The following ERCC6L2 variants were observed in gnomAD, a reference collection of about 807,000 sequenced individuals.
The protein encoded by ERCC6L2 is ERCC excision repair 6 like 2.
In ERCC6L2, 77 loss-of-function variants were observed where a neutral mutation model predicts 132.0. The observed-to-expected ratio is 0.58, with a 90% CI of 0.49 to 0.71. The LOEUF is 0.71. Ranked by LOEUF, ERCC6L2 falls within the 30% of genes least tolerant of loss-of-function variation. The probability of loss-of-function intolerance (pLI) is 0.00; values close to 1 mark genes in which losing one functional copy is unlikely to be tolerated. For synonymous variants in ERCC6L2, 583 were observed against 632.4 expected (o/e 0.92, Z 1.17); for missense variants, 1,542 against 1,837.6 (o/e 0.84, Z 2.94).
At chr9:95,974,345 A>G (rs1832568067) in intron 16 of ERCC6L2, among the ~76,000 whole-genome samples, 1 of 152,184 alleles carries the variant, frequency 6.6e-6, no homozygotes, top group Admixed American at 6.5e-5. Flanking sequence ...TATATGCCAT[A>G]AGGATGACCC....
chr9:96,026,433 C>T (rs1834364459), intron 19 of ERCC6L2, among the ~76,000 whole-genome samples: 1 of 152,022 alleles, frequency 6.6e-6, no homozygotes, highest in South Asian at 2.1e-4. Context: ...CGCAGTGGGG[C>T]GGGGGTGGGG....
chr9:95,956,778 A>G (rs1831624844), intron 13 of ERCC6L2, among the ~76,000 whole-genome samples: 1 of 152,156 alleles, frequency 6.6e-6, no homozygotes, highest in Middle Eastern at 3.2e-3. Context: ...TACCCACTGG[A>G]TCCCTGCCAC....
At chr9:95,876,108 T>TA (rs759779322) in intron 1 of ERCC6L2, 24 bp downstream of exon 1, 7 of 1,555,044 alleles carry the variant, frequency 4.5e-6, no homozygotes, top group Non-Finnish European at 6.1e-6. Context: ...GCTCGCCCCT[T>TA]ACGCAGAGGC....
In ERCC6L2 at chr9:95,989,441, G is replaced by A. The variant is rs557410226; in HGVS notation, c.3492+11226G>A. Among the ~76,000 whole-genome samples, 19 of 152,308 alleles carry A rather than the reference G, an allele frequency of 1.2e-4. No individual in the cohort carries two copies. In the East Asian group the frequency reaches 2.1e-3, roughly 17 times the overall value. On this transcript the variant is annotated intron_variant, in intron 17 of 18. Transcript: ENST00000653738. The stretch of plus-strand genomic sequence containing the variant: ...TTTAGGGGTTGTATGCCAGGAAGCT[G>A]GGACAAAGACCAAATATCTATTTCA...
chr9:95,877,339 C>CT (rs368120641), intron 1 of ERCC6L2, among the ~76,000 whole-genome samples: 19,701 of 144,128 alleles, frequency 0.14, 1,336 homozygotes, highest in South Asian at 0.24. Flanking sequence ...TCCCTTAAGG[C>CT]TTTTTTTTTT....
In ERCC6L2 at chr9:95,929,353, G is replaced by C. The variant is rs556498726; in HGVS notation, c.1751+489G>C. ...AAGGTAAATTGGTTCTAACCCCTAT[G>C]TATGAATATCCCTTTAAGACCTTTT... On this transcript the variant is annotated intron_variant, in intron 11 of 18. Coordinates refer to ENST00000653738, the MANE Select transcript of ERCC6L2 (RefSeq NM_020207.7). Among the ~76,000 whole-genome samples the C allele has an allele frequency of 2.0e-5, 3 of 152,276 alleles. No individual in the cohort carries two copies. In the East Asian group the frequency reaches 5.8e-4, roughly 29 times the overall value.
chr9:96,010,894 T>A (rs768582880), intron 18 of ERCC6L2, among the ~76,000 whole-genome samples: 10 of 152,388 alleles, frequency 6.6e-5, no homozygotes, highest in Non-Finnish European at 1.3e-4. Context: ...TATAAATATT[T>A]GTTAAGTGAA....
chr9:95,947,084 T>C (rs932581148), intron 12 of ERCC6L2, among the ~76,000 whole-genome samples: 2 of 152,228 alleles, frequency 1.3e-5, no homozygotes, highest in African/African-American at 4.8e-5. Context: ...TCTCTCACTT[T>C]ACATCGAAAG....
intron 4 of ERCC6L2, among the ~76,000 whole-genome samples, chr9:95,908,871 G>A (rs1008943590): frequency 6.6e-6 from 1 of 152,078 alleles, no homozygotes; most frequent in African/African-American, 2.4e-5. Flanking sequence ...TTTTTTTAAG[G>A]TGATACTTTC....
At chr9:95,919,975 T>C (rs1026944153) in intron 6 of ERCC6L2, among the ~76,000 whole-genome samples, 3 of 152,196 alleles carry the variant, frequency 2.0e-5, no homozygotes, top group African/African-American at 7.2e-5. Context: ...GAAAACAAAT[T>C]GACATTAAAT....
At chr9:95,911,605 ATAAT>A (rs995521450) in intron 4 of ERCC6L2, among the ~76,000 whole-genome samples, 2 of 152,156 alleles carry the variant, frequency 1.3e-5, no homozygotes, top group African/African-American at 2.4e-5. Flanking sequence ...AATATTTAAA[ATAAT>A]TAATATTTTA....
At chr9:95,991,062 GT>G (rs1241364404) in intron 17 of ERCC6L2, among the ~76,000 whole-genome samples, 8 of 151,990 alleles carry the variant, frequency 5.3e-5, no homozygotes, top group African/African-American at 1.9e-4. Flanking sequence ...CCGATGCTCA[GT>G]TGCTTCTCTG....
rs767745101 is a variant in ERCC6L2 at position 96,015,015 on chromosome 9, G to GTTTTTTTTTTTTTTTTTTTTTTTTTT, written c.*1837_*1838insTTTTTTTTTTTTTTTTTTTTTTTTTT. Among the ~76,000 whole-genome samples the GTTTTTTTTTTTTTTTTTTTTTTTTTT allele has an allele frequency of 1.5e-5, 1 of 65,426 alleles. No individual in the cohort carries two copies. Among genetic ancestry groups the GTTTTTTTTTTTTTTTTTTTTTTTTTT allele is most frequent in the Non-Finnish European group, 2.6e-5 (1 of 37,998 alleles). 42.9% of individuals were successfully genotyped at this position (65,426 alleles called of 152,430 possible). A position where few individuals can be genotyped will look rare whatever the true frequency, so the allele number is the denominator to read the frequency against. Reference sequence around the variant, plus strand: ...GCTCTATAGTCTTCATATATGTACAGTTTTTTTTTTTTTTTTTTTTTTTTT... The same window carrying GTTTTTTTTTTTTTTTTTTTTTTTTTT: ...GCTCTATAGTCTTCATATATGTACAGTTTTTTTTTTTTTTTTTTTTTTTTTTTTTTTTTTTTTTTTTTTTTTTTTTT... On this transcript the variant is annotated 3_prime_UTR_variant, in exon 19 of 19. Coordinates refer to ENST00000653738, the MANE Select transcript of ERCC6L2 (RefSeq NM_020207.7).
intron 2 of ERCC6L2, among the ~76,000 whole-genome samples, chr9:95,884,661 T>C (rs1289289520): frequency 6.6e-6 from 1 of 152,168 alleles, no homozygotes; most frequent in African/African-American, 2.4e-5. Context: ...TTTTACACTC[T>C]ACAGGGGATG....
intron 13 of ERCC6L2, among the ~76,000 whole-genome samples, chr9:95,957,034 G>C (rs1047398373): frequency 5.3e-5 from 8 of 152,140 alleles, no homozygotes; most frequent in Admixed American, 4.6e-4. Flanking sequence ...TATAGGAATA[G>C]AGCTTAAGTG....
intron 12 of ERCC6L2, among the ~76,000 whole-genome samples, chr9:95,951,672 G>GTA (rs1244824856): frequency 6.6e-6 from 1 of 152,144 alleles, no homozygotes; most frequent in East Asian, 1.9e-4. Context: ...GTGAACATTT[G>GTA]TATACCAACA....
Position 95,972,172 on chromosome 9 carries a change from G to A in ERCC6L2, c.2421G>A (p.Glu807=). ...TTGAAACAAAATGTAAAGCAGTTGA[G>A]GATAGTGATGGAAATACTGCCTCTG... ...KLLETKCKAV[E]DSDGNTASDD... Residue 807 remains glutamate (E), a synonymous_variant, in exon 16 of 19, where the codon GAG becomes GAA. Transcript: ENST00000653738. 1 of 1,304,240 alleles carries A rather than the reference G, an allele frequency of 7.7e-7. No individual in the cohort carries two copies. Among genetic ancestry groups the A allele is most frequent in the Non-Finnish European group, 1.0e-6 (1 of 988,948 alleles). 80.8% of individuals were successfully genotyped at this position (1,304,240 alleles called of 1,614,324 possible). A position where few individuals can be genotyped will look rare whatever the true frequency, so the allele number is the denominator to read the frequency against.
intron 3 of ERCC6L2, among the ~76,000 whole-genome samples, chr9:95,906,273 A>T (rs1829029732): frequency 6.6e-6 from 1 of 152,166 alleles, no homozygotes; most frequent in African/African-American, 2.4e-5. Context: ...GTTTTAAAAA[A>T]TTTTTGTTTT....
chr9:95,955,717 A>AT, intron 12 of ERCC6L2, among the ~76,000 whole-genome samples, 197 bp from the exon 13 acceptor site: 1 of 152,184 alleles, frequency 6.6e-6, no homozygotes, highest in South Asian at 2.1e-4. Context: ...TTTCTGTAAT[A>AT]TTTTTTCTCC....
Sources: gnomAD v4.1 joint callset for allele counts (sites outside exome capture counted in the v4.1 genomes callset) on GRCh38, gnomAD v4.1.1 for gene constraint, MANE v1.5 for transcripts, NCBI Gene and HGNC (gene_info 2026-07-23, HGNC 2026-07-21) for gene names.